Variants in PROSER2 observed in about 807,000 individuals in gnomAD.
PROSER2 encodes proline and serine-rich protein 2.
Under a neutral mutation model 14.6 loss-of-function variants are expected in PROSER2, and 18 were observed. The observed-to-expected ratio is 1.23, with a 90% CI of 0.85 to 1.83. PROSER2 has a LOEUF of 1.83. Ranked by LOEUF, PROSER2 falls within the 40% of genes most tolerant of loss-of-function variation. The probability of loss-of-function intolerance (pLI) is 0.00; values close to 1 mark genes in which losing one functional copy is unlikely to be tolerated. For synonymous variants in PROSER2, 367 were observed against 286.4 expected (o/e 1.28, Z -2.84); for missense variants, 823 against 629.8 (o/e 1.31, Z -3.28).
Position 11,869,821 on chromosome 10 carries a change from G to A in PROSER2, c.723G>A (p.Gly241=), listed in dbSNP as rs1564316193. 2.6e-6 allele frequency: 4 copies of A among 1,568,074 alleles called. No homozygotes were observed. The highest frequency in any genetic ancestry group is 1.9e-5 in the Admixed American group (1 of 52,946). The change falls in exon 4 of 4, where the codon GGG becomes GGA. Residue 241 remains glycine, a synonymous_variant. Coordinates refer to ENST00000277570, the MANE Select transcript of PROSER2 (RefSeq NM_153256.4). This position sits in a 1 kb window ranked among gnomAD's most constrained non-coding sequence, Gnocchi z 4.4. ...RGPRSGDPGP[G]PSHPAQPKAP... ...CCCGCAGTGGAGACCCTGGCCCGGGGCCCAGCCACCCGGCGCAGCCCAAGG... is the reference window on the plus strand; with the variant it reads ...CCCGCAGTGGAGACCCTGGCCCGGGACCCAGCCACCCGGCGCAGCCCAAGG...
intron 1 of PROSER2, among the ~76,000 whole-genome samples, chr10:11,833,688 T>C (rs1347417006): frequency 6.6e-6 from 1 of 152,082 alleles, no homozygotes; most frequent in Non-Finnish European, 1.5e-5. Flanking sequence ...TGAGGCTCCA[T>C]CTCAAAACAC....
rs1283664949 is a variant in PROSER2, at chr10:11,870,184, T to A, written c.1086T>A (p.Ala362=). The part of the protein sequence containing the change: ...LKSAPSSFAP[A]GKSLCFRPGP... ...GCGCACCCAGCTCCTTCGCGCCCGC[T>A]GGGAAGTCCCTCTGCTTCCGCCCTG... The change falls in exon 4 of 4, where the codon GCT becomes GCA. Residue 362 remains alanine, a synonymous_variant. Coordinates refer to ENST00000277570, the MANE Select transcript of PROSER2 (RefSeq NM_153256.4). 3.4e-6 allele frequency: 5 copies of A among 1,485,896 alleles called. No homozygotes were observed. Among genetic ancestry groups the A allele is most frequent in the Non-Finnish European group, 3.6e-6 (4 of 1,125,186 alleles). 92.0% of individuals were successfully genotyped at this position (1,485,896 alleles called of 1,614,324 possible). A position where few individuals can be genotyped will look rare whatever the true frequency, so the allele number is the denominator to read the frequency against.
intron 1 of PROSER2, among the ~76,000 whole-genome samples, chr10:11,827,787 TC>T: frequency 6.6e-6 from 1 of 151,066 alleles, no homozygotes; most frequent in East Asian, 2.0e-4. Context: ...CAGATGATCC[TC>T]CCCCCTCAGC....
At position 11,869,997 on chromosome 10, in the gene PROSER2, G is replaced by A. The variant is rs1319383485; in HGVS notation, c.899G>A (p.Gly300Glu). ...HGHAGAFPAA[G>E]DAGEGAPGGG... ...CACGCCGGCGCCTTCCCCGCCGCGG[G>A]GGACGCCGGCGAGGGGGCCCCAGGG... Residue 300 changes from glycine to glutamate, a missense_variant, in exon 4 of 4, where the codon GGG (glycine) becomes GAG (glutamate). Gly to Glu is a moderately conservative substitution (Grantham distance 98). Transcript: ENST00000277570. This position sits in a 1 kb window ranked among gnomAD's most constrained non-coding sequence, Gnocchi z 4.4. The A allele has an allele frequency of 1.6e-6, 2 of 1,260,414 alleles. No individual in the cohort carries two copies. Among genetic ancestry groups the A allele is most frequent in the Non-Finnish European group, 2.0e-6 (2 of 1,005,204 alleles). 78.1% of individuals were successfully genotyped at this position (1,260,414 alleles called of 1,614,324 possible). A position where few individuals can be genotyped will look rare whatever the true frequency, so the allele number is the denominator to read the frequency against.
At chr10:11,832,484 A>G (rs537124517) in intron 1 of PROSER2, among the ~76,000 whole-genome samples, 1 of 152,280 alleles carries the variant, frequency 6.6e-6, no homozygotes, top group South Asian at 2.1e-4. Flanking sequence ...ACACATTCAT[A>G]TTGACATGGA....
chr10:11,850,991 G>A (rs982073844), intron 1 of PROSER2: 3 of 152,336 alleles, frequency 2.0e-5, no homozygotes, highest in African/African-American at 7.2e-5. Context: ...GGCCAAGGCA[G>A]GCGGATCACT....
At chr10:11,857,230 C>CAG (rs143103939) in intron 2 of PROSER2, 357 of 151,822 alleles carry the variant, frequency 2.4e-3, no homozygotes, top group Non-Finnish European at 3.2e-3. Context: ...CAAGATCTCT[C>CAG]AGAGAGAGAG....
chr10:11,870,225 G>A lies in PROSER2; in HGVS notation c.1127G>A (p.Ser376Asn). The change falls in exon 4 of 4, where the codon AGC becomes AAC. Residue 376 changes from serine to asparagine, a missense_variant. Ser to Asn is a conservative substitution (Grantham distance 46). Coordinates refer to ENST00000277570, the MANE Select transcript of PROSER2 (RefSeq NM_153256.4). ...LCFRPGPALP[S>N]TRARQSFPGP... ...TTCCGCCCTGGCCCGGCCCTGCCCA[G>A]CACGCGGGCCCGTCAGAGCTTCCCC... 6.7e-7 allele frequency: 1 copy of A among 1,490,694 alleles called. No individual in the cohort carries two copies. The highest frequency in any genetic ancestry group is 1.2e-5 in the South Asian group (1 of 80,186). 92.3% of individuals were successfully genotyped at this position (1,490,694 alleles called of 1,614,324 possible).
intron 1 of PROSER2, among the ~76,000 whole-genome samples, chr10:11,841,898 ATTGT>A (rs1833850427): frequency 1.3e-5 from 2 of 152,158 alleles, no homozygotes; most frequent in South Asian, 2.1e-4. Flanking sequence ...TTCCCATTAT[ATTGT>A]TTAAGTCTTC....
chr10:11,857,631 G>C (rs928242465), intron 2 of PROSER2, among the ~76,000 whole-genome samples: 3 of 151,616 alleles, frequency 2.0e-5, no homozygotes, highest in African/African-American at 7.3e-5. Flanking sequence ...TGTAATCCCA[G>C]CTGCTCCGGA....
rs1259805238 is a variant in PROSER2 at position 11,870,027 on chromosome 10, GCTC to G, written c.934_936del (p.Ser312del). The G allele has an allele frequency of 1.0e-5, 13 of 1,240,290 alleles. No individual in the cohort carries two copies. Among genetic ancestry groups the G allele is most frequent in the Non-Finnish European group, 1.3e-5 (13 of 992,942 alleles). The allele number at this position is 1,240,290 out of a possible 1,614,324, so 76.8% of individuals were successfully genotyped here. ...GCCGGCGAGGGGGCCCCAGGGGGCG[GCTC>G]CTCCCCGGAGCGGGTGGCGCGTGGC... On this transcript the variant is annotated inframe_deletion, in exon 4 of 4. Coordinates refer to ENST00000277570, the MANE Select transcript of PROSER2 (RefSeq NM_153256.4).
chr10:11,830,085 C>G lies in PROSER2; in HGVS notation c.-82+6615C>G, dbSNP rs571960300. On this transcript the variant is annotated intron_variant, in intron 1 of 3. Coordinates refer to ENST00000277570, the MANE Select transcript of PROSER2 (RefSeq NM_153256.4). The surrounding 1 kb of genome is among the most constrained non-coding windows in gnomAD (Gnocchi z 4.5). Reference sequence around the variant, plus strand: ...CTCGAACTCCTGAGCTCAAGTGATTCACCTACCTCAGCCTCCCAAAGTGCC... The same window carrying G: ...CTCGAACTCCTGAGCTCAAGTGATTGACCTACCTCAGCCTCCCAAAGTGCC... 6.6e-6 allele frequency among the ~76,000 whole-genome samples: 1 copy of G among 152,198 alleles called. No individual in the cohort carries two copies. The highest frequency in any genetic ancestry group is 2.1e-4 in the South Asian group (1 of 4,818).
intron 1 of PROSER2, among the ~76,000 whole-genome samples, chr10:11,826,181 G>A (rs576877299): frequency 3.3e-5 from 5 of 152,214 alleles, no homozygotes; most frequent in African/African-American, 9.6e-5. Flanking sequence ...TTCAAGGTCC[G>A]TCCGTGTCGC....
intron 1 of PROSER2, among the ~76,000 whole-genome samples, chr10:11,846,469 T>C (rs190873102): frequency 5.0e-4 from 76 of 152,356 alleles, no homozygotes; most frequent in African/African-American, 1.7e-3. Context: ...CATTTTTCTT[T>C]CTGTCATTCT....
In PROSER2 at chr10:11,870,971, T is replaced by C. The variant is rs1366968771; in HGVS notation, c.*565T>C. The C allele has an allele frequency of 6.5e-6, 1 of 152,706 alleles. No homozygotes were observed. Among genetic ancestry groups the C allele is most frequent in the East Asian group, 1.9e-4 (1 of 5,200 alleles). 9.5% of individuals were successfully genotyped at this position (152,706 alleles called of 1,614,324 possible). The stretch of plus-strand genomic sequence containing the variant: ...TGACGTACTTTAGTTTGCCCAGTTT[T>C]GTTTTTTACTGAAAACTGAAATGAA... On this transcript the variant is annotated 3_prime_UTR_variant, in exon 4 of 4. Coordinates refer to ENST00000277570, the MANE Select transcript of PROSER2 (RefSeq NM_153256.4).
At chr10:11,857,411 G>A (rs948305472) in intron 2 of PROSER2, 1 of 152,166 alleles carries the variant, frequency 6.6e-6, no homozygotes, top group Non-Finnish European at 1.5e-5. Context: ...GTTTAAGTGA[G>A]CCATCTTGAA....
chr10:11,834,234 T>C (rs1040786436), intron 1 of PROSER2, among the ~76,000 whole-genome samples: 1 of 150,412 alleles, frequency 6.6e-6, no homozygotes, highest in Non-Finnish European at 1.5e-5. Flanking sequence ...ACCTCGTGAC[T>C]TACCCACCTC....
chr10:11,825,749 G>C (rs1006886154), intron 1 of PROSER2, among the ~76,000 whole-genome samples: 27 of 152,236 alleles, frequency 1.8e-4, no homozygotes, highest in African/African-American at 6.5e-4. Context: ...GGGAAGGACT[G>C]TATGGGGAGA....
intron 1 of PROSER2, among the ~76,000 whole-genome samples, chr10:11,840,937 AAAAAAAAAAAAAAAAAAAATATATAT>A (rs1283975558): frequency 1.0e-4 from 7 of 69,602 alleles, no homozygotes; most frequent in African/African-American, 4.3e-4. Context: ...AAAAAAAAAA[AAAAAAAAAAAAAAAAAAAATATATAT>A]ATATATATAT....
Sources: allele counts gnomAD v4.1 joint callset (sites outside exome capture counted in the v4.1 genomes callset), GRCh38; gene constraint gnomAD v4.1.1; non-coding constraint Gnocchi (gnomAD v3.1); transcripts MANE v1.5; gene names NCBI Gene and HGNC (gene_info 2026-07-23, HGNC 2026-07-21).